Variants in ZNF71 observed in about 807,000 individuals in gnomAD.
The protein encoded by ZNF71 is zinc finger protein 71.
In ZNF71, 3 loss-of-function variants were observed where a neutral mutation model predicts 6.7. The ratio of observed to expected loss-of-function variants is 0.45; its 90% confidence interval spans 0.20 to 1.16. The LOEUF is 1.16. Ranked by LOEUF, ZNF71 falls within the 50% of genes most tolerant of loss-of-function variation. The probability of loss-of-function intolerance (pLI) is 0.25; values close to 1 mark genes in which losing one functional copy is unlikely to be tolerated. For synonymous variants in ZNF71, 343 were observed against 311.1 expected, an observed-to-expected ratio of 1.10 and a Z score of -1.08; for missense variants, 688 against 728.6, an observed-to-expected ratio of 0.94 and a Z score of 0.64.
At chr19:56,607,259 G>A (rs1256540788) in intron 2 of ZNF71, among the ~76,000 whole-genome samples, 1 of 152,182 alleles carries the variant, frequency 6.6e-6, no homozygotes, top group Non-Finnish European at 1.5e-5. Flanking sequence ...CTGATTCACA[G>A]CCCTGAGTAT....
intron 2 of ZNF71, among the ~76,000 whole-genome samples, chr19:56,608,300 C>G (rs2044724915): frequency 6.6e-6 from 1 of 152,074 alleles, no homozygotes; most frequent in East Asian, 1.9e-4. Context: ...CCCTCCGCCC[C>G]TGGCAGCTGC....
At chr19:56,595,605 A>G (rs901693372) in intron 1 of ZNF71, among the ~76,000 whole-genome samples, 177 bp downstream of exon 1, 2 of 152,134 alleles carry the variant, frequency 1.3e-5, no homozygotes, top group African/African-American at 2.4e-5. Flanking sequence ...GGCCGGGGCC[A>G]GGGAGGGAGA....
In ZNF71 at chr19:56,622,359, G is replaced by C. The variant is rs78879910; in HGVS notation, c.1252G>C (p.Glu418Gln). Residue 418 changes from glutamate (E) to glutamine (Q), a missense_variant, in exon 4 of 4, where the codon GAG (glutamate) becomes CAG (glutamine). By Grantham distance (29) the Glu-to-Gln change is conservative (BLOSUM62 2). Coordinates refer to ENST00000599599, the MANE Select transcript of ZNF71 (RefSeq NM_001370215.1). ...HIGVKPFECSECGKAFSKNSS... is the reference protein window; with the variant it reads ...HIGVKPFECSQCGKAFSKNSS... ...CGGCGTGAAGCCGTTCGAGTGCAGC[G>C]AGTGCGGCAAGGCCTTCAGCAAGAA... 1.2e-4 allele frequency: 194 copies of C among 1,612,046 alleles called. 2 individuals carry two copies. In the East Asian group the frequency reaches 4.1e-3, roughly 34 times the overall value.
chr19:56,600,094 TTG>T (rs1390741333), intron 1 of ZNF71, among the ~76,000 whole-genome samples: 14,107 of 131,922 alleles, frequency 0.11, 1,477 homozygotes, highest in East Asian at 0.26. Context: ...TTTTTGGGGT[TTG>T]TTTTTTTTTT....
chr19:56,614,179 A>G (rs1171426923), intron 3 of ZNF71, among the ~76,000 whole-genome samples: 1 of 152,254 alleles, frequency 6.6e-6, no homozygotes. Context: ...GACTAAGCGA[A>G]TAATAGAATG....
Position 56,621,352 on chromosome 19 carries a change from C to CG in ZNF71, c.251dup (p.Pro85ThrfsTer53), listed in dbSNP as rs768627914. The stretch of plus-strand genomic sequence containing the variant: ...AAGCTCTCCGTTGTTGGGGAGGCCA[C>CG]GGGGGGACCCACGAGGAATGGTGCC... On this transcript the variant is annotated frameshift_variant, in exon 4 of 4. Coordinates refer to ENST00000599599, the MANE Select transcript of ZNF71 (RefSeq NM_001370215.1). LOFTEE classifies it low-confidence loss of function (END_TRUNC). The CG allele has an allele frequency of 1.2e-5, 19 of 1,570,504 alleles. No individual in the cohort carries two copies. The highest frequency in any genetic ancestry group is 2.2e-5 in the East Asian group (1 of 44,458).
At chr19:56,599,569 G>C (rs995703530) in intron 1 of ZNF71, among the ~76,000 whole-genome samples, 2 of 151,978 alleles carry the variant, frequency 1.3e-5, no homozygotes, top group African/African-American at 4.8e-5. Flanking sequence ...TATATTTATG[G>C]AGTACATGAG....
At chr19:56,600,047 A>T (rs571546439) in intron 1 of ZNF71, among the ~76,000 whole-genome samples, 23 of 147,446 alleles carry the variant, frequency 1.6e-4, no homozygotes, top group South Asian at 6.4e-4. Flanking sequence ...GTCAAATAGT[A>T]GGTCTTATTC....
At position 56,603,474 on chromosome 19, in the gene ZNF71, T is replaced by C. The variant is rs912030975; in HGVS notation, c.33+1883T>C. ...TTTTATTTATCCTTTCATCAGTTGATGGACATTTGGGTTGTTTCCACTTTT... is the reference window on the plus strand; with the variant it reads ...TTTTATTTATCCTTTCATCAGTTGACGGACATTTGGGTTGTTTCCACTTTT... On this transcript the variant is annotated intron_variant, in intron 2 of 3. Transcript: ENST00000599599. This position sits in a 1 kb window ranked among gnomAD's most constrained non-coding sequence, Gnocchi z 4.6. Among the ~76,000 whole-genome samples the C allele has an allele frequency of 6.6e-6, 1 of 152,244 alleles. No individual in the cohort carries two copies.
intron 1 of ZNF71, among the ~76,000 whole-genome samples, chr19:56,599,385 A>G (rs901574689): frequency 3.3e-5 from 5 of 152,050 alleles, no homozygotes; most frequent in Admixed American, 1.3e-4. Context: ...ATTCTGTGTG[A>G]CTGCTGTAAA....
intron 3 of ZNF71, among the ~76,000 whole-genome samples, chr19:56,619,731 G>A (rs1463726460): frequency 6.6e-6 from 1 of 152,142 alleles, no homozygotes; most frequent in Non-Finnish European, 1.5e-5. Flanking sequence ...ACTACCAGGT[G>A]GATCATTTAT....
chr19:56,622,536 A>G lies in ZNF71; in HGVS notation c.1429A>G (p.Lys477Glu). The change falls in exon 4 of 4, where the codon AAG (lysine) becomes GAG (glutamate). Residue 477 changes from lysine (K) to glutamate (E), a missense_variant. By Grantham distance (56) the Lys-to-Glu change is moderately conservative (BLOSUM62 1). Coordinates refer to ENST00000599599, the MANE Select transcript of ZNF71 (RefSeq NM_001370215.1). ...EKPYVCGECG[K>E]AFSQSAYLIE... The stretch of plus-strand genomic sequence containing the variant: ...GCCCTACGTGTGCGGCGAGTGCGGC[A>G]AGGCCTTCAGCCAGAGCGCCTACCT... 6.2e-7 allele frequency: 1 copy of G among 1,610,206 alleles called. No individual in the cohort carries two copies. The highest frequency in any genetic ancestry group is 8.5e-7 in the Non-Finnish European group (1 of 1,177,054).
rs2044868649 is a variant in ZNF71 at position 56,622,553 on chromosome 19, C to T, written c.1446C>T (p.Ser482=). The change falls in exon 4 of 4, where the codon AGC becomes AGT. Residue 482 remains serine, a synonymous_variant. Coordinates refer to ENST00000599599, the MANE Select transcript of ZNF71 (RefSeq NM_001370215.1). Reference sequence around the variant, plus strand: ...AGTGCGGCAAGGCCTTCAGCCAGAGCGCCTACCTCATCGAGCACCAGCGGA... The same window carrying T: ...AGTGCGGCAAGGCCTTCAGCCAGAGTGCCTACCTCATCGAGCACCAGCGGA... ...CGECGKAFSQ[S]AYLIEHQRIH... The T allele has an allele frequency of 1.9e-6, 3 of 1,613,620 alleles. No individual in the cohort carries two copies. Among genetic ancestry groups the T allele is most frequent in the East Asian group, 2.2e-5 (1 of 44,874 alleles).
intron 2 of ZNF71, among the ~76,000 whole-genome samples, chr19:56,611,285 A>G (rs193212903): frequency 1.4e-4 from 22 of 152,136 alleles, no homozygotes; most frequent in African/African-American, 4.6e-4. Flanking sequence ...GGGCACCACA[A>G]GTTTTCATTA....
At chr19:56,605,712 G>A (rs998576114) in intron 2 of ZNF71, among the ~76,000 whole-genome samples, 1 of 152,200 alleles carries the variant, frequency 6.6e-6, no homozygotes, top group Admixed American at 6.5e-5. Context: ...TAGGGAGGAG[G>A]TCGACTGTCA....
chr19:56,606,380 G>A (rs1392732115), intron 2 of ZNF71, among the ~76,000 whole-genome samples: 1 of 151,916 alleles, frequency 6.6e-6, no homozygotes, highest in Non-Finnish European at 1.5e-5. Context: ...CTGTTTAGGG[G>A]GTAAAAATTC....
Position 56,621,760 on chromosome 19 carries a change from T to C in ZNF71, c.653T>C (p.Phe218Ser). 6.2e-7 allele frequency: 1 copy of C among 1,613,530 alleles called. No individual in the cohort carries two copies. Among genetic ancestry groups the C allele is most frequent in the Non-Finnish European group, 8.5e-7 (1 of 1,179,892 alleles). Residue 218 changes from phenylalanine to serine, a missense_variant, in exon 4 of 4, where the codon TTT becomes TCT. Physicochemically the swap from Phe to Ser is radical, Grantham distance 155. Coordinates refer to ENST00000599599, the MANE Select transcript of ZNF71 (RefSeq NM_001370215.1). The part of the protein sequence containing the change: ...HQRIHTGEKP[F>S]ECDTCGKHFI... ...AGGATCCACACGGGAGAAAAGCCGT[T>C]TGAGTGTGACACCTGTGGGAAGCAC...
At chr19:56,611,823 A>G (rs1404018348) in intron 2 of ZNF71, among the ~76,000 whole-genome samples, 5 of 152,162 alleles carry the variant, frequency 3.3e-5, no homozygotes, top group Non-Finnish European at 7.3e-5. Context: ...TATCCACAGG[A>G]CCACGCTCCC....
chr19:56,615,685 C>G (rs2044785805), intron 3 of ZNF71, among the ~76,000 whole-genome samples: 2 of 151,724 alleles, frequency 1.3e-5, no homozygotes, highest in African/African-American at 4.8e-5. Flanking sequence ...ATTCTTGATA[C>G]AAGATTTTCT....
Sources: gnomAD v4.1 joint callset for allele counts (sites outside exome capture counted in the v4.1 genomes callset) on GRCh38, gnomAD v4.1.1 for gene constraint, Gnocchi (gnomAD v3.1) non-coding constraint, MANE v1.5 for transcripts, NCBI Gene and HGNC (gene_info 2026-07-23, HGNC 2026-07-21) for gene names.